The following CD96 variants were observed in gnomAD, a reference collection of about 807,000 sequenced individuals.
The protein encoded by CD96 is CD96 molecule.
Under a neutral mutation model 71.3 loss-of-function variants are expected in CD96, and 70 were observed. The ratio of observed to expected loss-of-function variants is 0.98; its 90% confidence interval spans 0.81 to 1.20. CD96 has a LOEUF of 1.20. Among genes scored for constraint, CD96 ranks in the 50% most tolerant of loss-of-function variants. The pLI, the probability that CD96 is intolerant of heterozygous loss-of-function variation, is 0.00. For missense variants in CD96, 742 were observed against 677.5 expected (o/e 1.10, Z -1.06); for synonymous variants, 248 against 233.0 (o/e 1.06, Z -0.59).
chr3:111,593,396 C>A, intron 5 of CD96: 1 of 984,582 alleles, frequency 1.0e-6, no homozygotes. Flanking sequence ...TCAATTCAGA[C>A]CTGCTCAGAT....
At position 111,567,554 on chromosome 3, in the gene CD96, G is replaced by A. The variant is rs369084693; in HGVS notation, c.450G>A (p.Thr150=). The change falls in exon 3 of 14, where the codon ACG becomes ACA. Residue 150 remains threonine (T), a synonymous_variant. Transcript: ENST00000352690. The stretch of plus-strand genomic sequence containing the variant: ...CAGATGAATGGAACAGCAACCATAC[G>A]ATAGAAATAGAGATAAATCAGACTC... ...VTADEWNSNH[T]IEIEINQTLE... 23 of 1,604,066 alleles carry A rather than the reference G, an allele frequency of 1.4e-5. No individual in the cohort carries two copies. The highest frequency in any genetic ancestry group is 3.3e-5 in the South Asian group (3 of 90,864).
At chr3:111,582,468 A>G (rs1444735143) in intron 4 of CD96, among the ~76,000 whole-genome samples, 1 of 152,236 alleles carries the variant, frequency 6.6e-6, no homozygotes, top group Non-Finnish European at 1.5e-5. Context: ...TCACTGAAAT[A>G]TTCCCTGATA....
intron 5 of CD96, among the ~76,000 whole-genome samples, chr3:111,591,677 A>G (rs1936996404): frequency 6.6e-6 from 1 of 152,134 alleles, no homozygotes; most frequent in African/African-American, 2.4e-5. Context: ...TGAGCACCTG[A>G]GCTTGCACCA....
chr3:111,556,074 G>A (rs185680140), intron 2 of CD96, among the ~76,000 whole-genome samples: 1 of 152,226 alleles, frequency 6.6e-6, no homozygotes, highest in Non-Finnish European at 1.5e-5. Flanking sequence ...TCTTATTTTT[G>A]CTACTGACAT....
intron 12 of CD96, among the ~76,000 whole-genome samples, chr3:111,644,727 A>C: frequency 6.6e-6 from 1 of 152,236 alleles, no homozygotes. Flanking sequence ...GACAATTCTC[A>C]AAAGAAGATA....
At chr3:111,653,824 T>A (rs1268223026), downstream of CD96, among the ~76,000 whole-genome samples, 2 of 152,104 alleles carry the variant, frequency 1.3e-5, no homozygotes, top group Non-Finnish European at 2.9e-5. Context: ...TTTTTTTTTT[T>A]ATGCCTTGGT....
rs866537424 is a variant in CD96, at chr3:111,558,816, G to A, written c.419-8707G>A. On this transcript the variant is annotated intron_variant, in intron 2 of 13. Coordinates refer to ENST00000352690, the MANE Select transcript of CD96 (RefSeq NM_005816.5). ...CCTCCTTGTACCTCTGGTAGAATTC[G>A]GCTGTGAATCCATCTGGTCCTGGAC... is the stretch of plus-strand genomic sequence containing the variant. Among the ~76,000 whole-genome samples, 280 of 146,516 alleles carry A rather than the reference G, an allele frequency of 1.9e-3. 1 individual carries two copies. The highest frequency in any genetic ancestry group is 5.6e-3 in the African/African-American group (220 of 39,406).
chr3:111,613,828 T>C (rs1938081777), intron 8 of CD96, among the ~76,000 whole-genome samples: 1 of 152,370 alleles, frequency 6.6e-6, no homozygotes, highest in Middle Eastern at 3.4e-3. Context: ...AAACCTTAGA[T>C]AGCAGAGTCT....
At chr3:111,569,894 G>A (rs991924376) in intron 3 of CD96, among the ~76,000 whole-genome samples, 7 of 152,356 alleles carry the variant, frequency 4.6e-5, no homozygotes, top group Admixed American at 3.9e-4. Flanking sequence ...GGGACGTTTA[G>A]GTCCTATTCC....
At chr3:111,577,422 C>A in intron 3 of CD96, 1 of 964,030 alleles carries the variant, frequency 1.0e-6, no homozygotes, top group Non-Finnish European at 1.7e-6. Context: ...CTGTCCCCAC[C>A]CAATACTTAG....
intron 8 of CD96, among the ~76,000 whole-genome samples, chr3:111,617,728 T>A (rs1448795259): frequency 6.6e-6 from 1 of 152,140 alleles, no homozygotes; most frequent in Non-Finnish European, 1.5e-5. Context: ...TCGTTCTTCT[T>A]GGGGGCGAGA....
chr3:111,657,161 T>A (rs936078464), downstream of CD96, among the ~76,000 whole-genome samples: 5 of 152,126 alleles, frequency 3.3e-5, no homozygotes, highest in Non-Finnish European at 5.9e-5. Flanking sequence ...GGCTCACACC[T>A]GTAATCCCAG....
At chr3:111,606,614 G>A in intron 7 of CD96, 86 bp from the exon 8 acceptor site, 1 of 771,792 alleles carries the variant, frequency 1.3e-6, no homozygotes, top group Admixed American at 1.8e-5. Flanking sequence ...AATAAATAAA[G>A]GAAAGTGTAT....
chr3:111,599,551 C>G (rs1042230281), intron 6 of CD96, among the ~76,000 whole-genome samples: 4 of 151,976 alleles, frequency 2.6e-5, no homozygotes, highest in African/African-American at 9.7e-5. Flanking sequence ...AAAACCCCGT[C>G]TCTACTAAAA....
chr3:111,614,105 A>G (rs1347770928), intron 8 of CD96, among the ~76,000 whole-genome samples: 1 of 152,208 alleles, frequency 6.6e-6, no homozygotes, highest in Non-Finnish European at 1.5e-5. Flanking sequence ...TGTGTCAATA[A>G]TTAAAAACTC....
At chr3:111,645,389 G>A (rs191691990) in intron 12 of CD96, among the ~76,000 whole-genome samples, 2 of 152,136 alleles carry the variant, frequency 1.3e-5, no homozygotes, top group East Asian at 1.9e-4. Context: ...GAGAGGGGGC[G>A]AGGGGTAAAA....
At chr3:111,592,731 C>A (rs932323892) in intron 5 of CD96, among the ~76,000 whole-genome samples, 2 of 152,130 alleles carry the variant, frequency 1.3e-5, no homozygotes, top group African/African-American at 2.4e-5. Context: ...CTTTGACAAA[C>A]CTTAATATGA....
At chr3:111,605,081 A>G (rs1436058460) in intron 7 of CD96, among the ~76,000 whole-genome samples, 1 of 152,202 alleles carries the variant, frequency 6.6e-6, no homozygotes, top group Non-Finnish European at 1.5e-5. Context: ...CACACACTTA[A>G]TGCTGGTCTT....
At chr3:111,551,470 G>A (rs1413805521) in intron 2 of CD96, among the ~76,000 whole-genome samples, 1 of 152,144 alleles carries the variant, frequency 6.6e-6, no homozygotes, top group Non-Finnish European at 1.5e-5. Flanking sequence ...TTTCTCTGAA[G>A]GGTCATGCTA....
Sources: gnomAD v4.1 joint callset for allele counts (sites outside exome capture counted in the v4.1 genomes callset) on GRCh38, gnomAD v4.1.1 for gene constraint, MANE v1.5 for transcripts, NCBI Gene and HGNC (gene_info 2026-07-23, HGNC 2026-07-21) for gene names.